RLIG1: variants seen among roughly 807,000 people sequenced by gnomAD.
RLIG1 encodes RNA ligase 1.
the RLIG1 span, chr12:88,048,865 TA>T: frequency 5.0e-6 from 1 of 200,362 alleles, no homozygotes; most frequent in Non-Finnish European, 9.9e-6. Flanking sequence ...TATAAATAAG[TA>T]TATATAAACT....
At chr12:88,043,281 T>C in the RLIG1 span, among the ~76,000 whole-genome samples, 1 of 152,118 alleles carries the variant, frequency 6.6e-6, no homozygotes, top group Admixed American at 6.6e-5. Flanking sequence ...TCATTGTATA[T>C]CTATGCATTC....
chr12:88,043,738 GCA>G, the RLIG1 span: 1 of 1,508,812 alleles, frequency 6.6e-7, no homozygotes, highest in Non-Finnish European at 9.1e-7. Flanking sequence ...CTCTTCTAGT[GCA>G]GTTTTGTGTT....
chr12:88,045,596 G>A, the RLIG1 span: 5 of 1,611,064 alleles, frequency 3.1e-6, no homozygotes, highest in Non-Finnish European at 4.2e-6. Flanking sequence ...GGTACCAGTA[G>A]AGAAAAACAA....
the RLIG1 span, among the ~76,000 whole-genome samples, chr12:88,039,256 A>G: frequency 6.6e-6 from 1 of 152,184 alleles, no homozygotes; most frequent in Non-Finnish European, 1.5e-5. Context: ...GACCTGAGAC[A>G]GGAGTACATT....
the RLIG1 span, chr12:88,035,545 G>C: frequency 8.2e-7 from 1 of 1,215,100 alleles, no homozygotes; most frequent in Non-Finnish European, 1.2e-6. Context: ...CGCGGAGTGT[G>C]CGTGGCCTGA....
the RLIG1 span, among the ~76,000 whole-genome samples, chr12:88,039,104 G>A: frequency 2.0e-5 from 3 of 152,096 alleles, no homozygotes; most frequent in African/African-American, 7.2e-5. Flanking sequence ...TGACGTGGGT[G>A]ATTCATTTAT....
At chr12:88,045,850 A>T in the RLIG1 span, 8 of 1,219,156 alleles carry the variant, frequency 6.6e-6, no homozygotes, top group Non-Finnish European at 8.2e-6. Context: ...AGGTCAACTT[A>T]AAAAACATAC....
the RLIG1 span, chr12:88,035,563 G>C: frequency 7.3e-7 from 1 of 1,372,830 alleles, no homozygotes; most frequent in Middle Eastern, 1.8e-4. Flanking sequence ...TGAGCCGTGC[G>C]GGTGACTGCT....
the RLIG1 span, among the ~76,000 whole-genome samples, chr12:88,040,761 G>C: frequency 6.6e-6 from 1 of 150,852 alleles, no homozygotes; most frequent in Non-Finnish European, 1.5e-5. Flanking sequence ...AATAGAAATT[G>C]TCAGTCATTT....
chr12:88,043,057 T>A, the RLIG1 span: 1 of 427,314 alleles, frequency 2.3e-6, no homozygotes, highest in Non-Finnish European at 4.1e-6. Context: ...CTTTTATATA[T>A]AAAAGGATAT....
chr12:88,038,800 A>T, the RLIG1 span, among the ~76,000 whole-genome samples: 2 of 152,198 alleles, frequency 1.3e-5, no homozygotes, highest in Admixed American at 6.5e-5. Context: ...GTGATCTGTT[A>T]TGTTTAGACA....
At chr12:88,046,867 G>T in the RLIG1 span, 3 of 1,613,010 alleles carry the variant, frequency 1.9e-6, no homozygotes, top group Non-Finnish European at 2.5e-6. Context: ...TTTCAAATAA[G>T]AAATCTACCT....
chr12:88,048,498 C>T, the RLIG1 span: 1 of 840,220 alleles, frequency 1.2e-6, no homozygotes, highest in South Asian at 2.6e-5. Flanking sequence ...CTCAAGGTTT[C>T]TGTTCATTAT....
the RLIG1 span, chr12:88,049,467 C>T: frequency 2.7e-4 from 253 of 929,438 alleles, 4 homozygotes; most frequent in South Asian, 3.5e-3. Flanking sequence ...ACATATTTTA[C>T]GTTTGAACAA....
At chr12:88,040,238 AC>A in the RLIG1 span, 1 of 1,596,924 alleles carries the variant, frequency 6.3e-7, no homozygotes, top group Non-Finnish European at 8.6e-7. Context: ...AGTGGATGGA[AC>A]ATGTTGTTAT....
chr12:88,044,961 A>G, the RLIG1 span: 1 of 152,424 alleles, frequency 6.6e-6, no homozygotes. Flanking sequence ...TATCCTGAAG[A>G]TAATGGTTTT....
the RLIG1 span, among the ~76,000 whole-genome samples, chr12:88,040,641 T>C: frequency 2.0e-5 from 3 of 152,196 alleles, no homozygotes; most frequent in African/African-American, 7.2e-5. Context: ...GGACCTATGT[T>C]CGTGTGACCC....
At chr12:88,041,842 G>T in the RLIG1 span, 1 of 152,106 alleles carries the variant, frequency 6.6e-6, no homozygotes, top group Non-Finnish European at 1.5e-5. Flanking sequence ...AACTGTAAAA[G>T]ATTTTTTAGA....
chr12:88,049,079 G>A, the RLIG1 span: 1 of 603,734 alleles, frequency 1.7e-6, no homozygotes, highest in Non-Finnish European at 2.9e-6. Context: ...AAGGTACAAG[G>A]TAGTGAGAAG....
Sources: allele counts gnomAD v4.1 joint callset (sites outside exome capture counted in the v4.1 genomes callset), GRCh38; gene constraint gnomAD v4.1.1; transcripts MANE v1.5; gene names NCBI Gene and HGNC (gene_info 2026-07-23, HGNC 2026-07-21).